Variants in FHIT observed in about 807,000 individuals in gnomAD.
FHIT encodes bis(5'-adenosyl)-triphosphatase.
In FHIT, 19 loss-of-function variants were observed where a neutral mutation model predicts 17.9. The observed-to-expected ratio is 1.06, with a 90% CI of 0.74 to 1.56. The LOEUF (loss-of-function observed/expected upper bound fraction) is 1.56, where lower values mean the gene tolerates loss of function less well. FHIT is among the 40% of genes most tolerant of loss of function. The probability of loss-of-function intolerance (pLI) is 0.00; values close to 1 mark genes in which losing one functional copy is unlikely to be tolerated. For missense variants in FHIT, 248 were observed against 189.2 expected (o/e 1.31, Z -1.82); for synonymous variants, 81 against 69.7 (o/e 1.16, Z -0.81).
chr3:60,490,502 T>C (rs1243529848), intron 5 of FHIT, among the ~76,000 whole-genome samples: 1 of 152,088 alleles, frequency 6.6e-6, no homozygotes, highest in African/African-American at 2.4e-5. Flanking sequence ...CTTAAATTTA[T>C]TTTCCCCAAT....
At chr3:60,003,905 T>G (rs1056938136) in intron 7 of FHIT, among the ~76,000 whole-genome samples, 6 of 152,084 alleles carry the variant, frequency 3.9e-5, no homozygotes, top group African/African-American at 1.4e-4. Context: ...CAGCCAAGTA[T>G]TTGGATATCA....
chr3:61,221,590 T>C (rs747728499), intron 1 of FHIT, among the ~76,000 whole-genome samples: 1 of 152,210 alleles, frequency 6.6e-6, no homozygotes, highest in Non-Finnish European at 1.5e-5. Flanking sequence ...AAACTGGTTA[T>C]AAAGTTGTGC....
chr3:59,934,376 C>T (rs1025937270), intron 7 of FHIT, among the ~76,000 whole-genome samples: 1 of 152,112 alleles, frequency 6.6e-6, no homozygotes, highest in Non-Finnish European at 1.5e-5. Context: ...ACTGCCCCTG[C>T]ACCCCCTGCT....
intron 2 of FHIT, among the ~76,000 whole-genome samples, chr3:61,044,095 T>A (rs2033663524): frequency 6.6e-6 from 1 of 152,178 alleles, no homozygotes; most frequent in Non-Finnish European, 1.5e-5. Context: ...GGAACGCAGC[T>A]GCTCGCCAGC....
chr3:60,392,392 A>G (rs1488491215), intron 5 of FHIT, among the ~76,000 whole-genome samples: 1 of 152,232 alleles, frequency 6.6e-6, no homozygotes, highest in East Asian at 1.9e-4. Context: ...ATAAGAATAA[A>G]TGACACCATG....
chr3:60,648,096 G>A (rs781819631), intron 4 of FHIT, among the ~76,000 whole-genome samples: 1 of 152,116 alleles, frequency 6.6e-6, no homozygotes, highest in African/African-American at 2.4e-5. Context: ...AAAATGAGAG[G>A]ACAGAGGATA....
At chr3:59,874,774 A>G (rs1046140063) in intron 8 of FHIT, among the ~76,000 whole-genome samples, 2 of 152,100 alleles carry the variant, frequency 1.3e-5, no homozygotes, top group Non-Finnish European at 2.9e-5. Context: ...AGAACCAGAC[A>G]GACCTTGCCT....
chr3:59,832,073 C>G (rs1045305581), intron 8 of FHIT, among the ~76,000 whole-genome samples: 4 of 152,108 alleles, frequency 2.6e-5, no homozygotes, highest in Non-Finnish European at 5.9e-5. Flanking sequence ...CACTTGCCCC[C>G]CCATGATGTG....
intron 8 of FHIT, among the ~76,000 whole-genome samples, chr3:59,825,522 T>C (rs1329238613): frequency 6.6e-6 from 1 of 152,202 alleles, no homozygotes; most frequent in East Asian, 1.9e-4. Context: ...CTGAGAACAT[T>C]AGCCACATCT....
At chr3:59,757,626 A>C (rs1182027183) in intron 8 of FHIT, among the ~76,000 whole-genome samples, 1 of 152,234 alleles carries the variant, frequency 6.6e-6, no homozygotes, top group African/African-American at 2.4e-5. Context: ...GTAAAATGCC[A>C]AATTGTCTTC....
chr3:61,041,226 A>G (rs1034235588), intron 3 of FHIT, among the ~76,000 whole-genome samples: 1 of 152,042 alleles, frequency 6.6e-6, no homozygotes, highest in African/African-American at 2.4e-5. Context: ...TAAAAATACA[A>G]AAATTAGCTA....
At chr3:60,363,337 C>G (rs184649149) in intron 5 of FHIT, among the ~76,000 whole-genome samples, 1 of 152,118 alleles carries the variant, frequency 6.6e-6, no homozygotes, top group South Asian at 2.1e-4. Context: ...CTTTGTGAAT[C>G]TCTGTAGCAA....
intron 5 of FHIT, among the ~76,000 whole-genome samples, chr3:60,279,864 T>A (rs2107644442): frequency 6.6e-6 from 1 of 151,972 alleles, no homozygotes; most frequent in South Asian, 2.1e-4. Context: ...ACCCCGTCTC[T>A]ACTAAAAATA....
At chr3:60,355,967 A>G (rs193224971) in intron 5 of FHIT, among the ~76,000 whole-genome samples, 302 of 152,298 alleles carry the variant, frequency 2.0e-3, no homozygotes, top group African/African-American at 6.9e-3. Context: ...AAACTCAAGA[A>G]GCGTAAGGGA....
At chr3:60,918,414 T>C (rs984872306) in intron 3 of FHIT, among the ~76,000 whole-genome samples, 1 of 152,350 alleles carries the variant, frequency 6.6e-6, no homozygotes, top group Non-Finnish European at 1.5e-5. Flanking sequence ...ATCTGTTATA[T>C]AGTTTAGAGA....
In FHIT at chr3:59,860,872, T is replaced by C. The variant is rs185319653; in HGVS notation, c.348+61474A>G. Reference sequence around the variant, plus strand: ...GGAATTATACATTGAAATAGCACGGTATGAAAATCCAGTAATGATCCATGA... The same window carrying C: ...GGAATTATACATTGAAATAGCACGGCATGAAAATCCAGTAATGATCCATGA... On this transcript the variant is annotated intron_variant, in intron 8 of 9. Transcript: ENST00000492590. Among the ~76,000 whole-genome samples, 145 of 152,198 alleles carry C rather than the reference T, an allele frequency of 9.5e-4. 1 individual carries two copies. The highest frequency in any genetic ancestry group is 3.3e-3 in the African/African-American group (137 of 41,540).
intron 5 of FHIT, among the ~76,000 whole-genome samples, chr3:60,283,919 T>C (rs1310452376): frequency 6.6e-6 from 1 of 152,116 alleles, no homozygotes; most frequent in East Asian, 1.9e-4. Context: ...ATTACCTTTA[T>C]TAGACTCTAT....
rs564846170 is a variant in FHIT, at chr3:60,991,035, G to C, written c.-111+51012C>G. 3.3e-5 allele frequency among the ~76,000 whole-genome samples: 5 copies of C among 152,284 alleles called. No individual in the cohort carries two copies. In the South Asian group the frequency reaches 1.0e-3, roughly 32 times the overall value. On this transcript the variant is annotated intron_variant, in intron 3 of 9. Coordinates refer to ENST00000492590, the MANE Select transcript of FHIT (RefSeq NM_002012.4). ...AACAAAATAAGTTTGGTAGTAGTAA[G>C]TGTTGGGAAAAAAATAAAGTAAGTC...
At chr3:60,355,108 G>A (rs895672659) in intron 5 of FHIT, among the ~76,000 whole-genome samples, 2 of 152,156 alleles carry the variant, frequency 1.3e-5, no homozygotes, top group African/African-American at 4.8e-5. Context: ...CATTTTGTGT[G>A]TCAGATAAAA....
Sources: gnomAD v4.1 joint callset for allele counts (sites outside exome capture counted in the v4.1 genomes callset) on GRCh38, gnomAD v4.1.1 for gene constraint, MANE v1.5 for transcripts, NCBI Gene and HGNC (gene_info 2026-07-23, HGNC 2026-07-21) for gene names.